The following EPHA5 variants were observed in gnomAD, a reference collection of about 807,000 sequenced individuals.
The protein encoded by EPHA5 is ephrin type-A receptor 5.
Under a neutral mutation model 105.0 loss-of-function variants are expected in EPHA5, and 60 were observed. The observed-to-expected ratio is 0.57, with a 90% CI of 0.46 to 0.71. The LOEUF (loss-of-function observed/expected upper bound fraction) is 0.71. Ranked by LOEUF, EPHA5 falls within the 30% of genes least tolerant of loss-of-function variation. The probability of loss-of-function intolerance (pLI) is 0.00; values close to 1 mark genes in which losing one functional copy is unlikely to be tolerated. For missense variants in EPHA5, 1,218 were observed against 1,274.7 expected (o/e 0.96, Z 0.68); for synonymous variants, 513 against 449.1 (o/e 1.14, Z -1.80).
chr4:65,525,799 T>A (rs1232209834), intron 3 of EPHA5, among the ~76,000 whole-genome samples: 1 of 151,926 alleles, frequency 6.6e-6, no homozygotes, highest in Non-Finnish European at 1.5e-5. Flanking sequence ...ATCAAATGTT[T>A]CTATTTCTTT....
chr4:65,439,405 G>T (rs1725794619), intron 5 of EPHA5, among the ~76,000 whole-genome samples: 1 of 151,838 alleles, frequency 6.6e-6, no homozygotes, highest in South Asian at 2.1e-4. Flanking sequence ...GTAAAATTTT[G>T]TTCCGCTGTT....
chr4:65,580,887 T>C (rs184151057), intron 3 of EPHA5, among the ~76,000 whole-genome samples: 11 of 151,662 alleles, frequency 7.3e-5, no homozygotes, highest in African/African-American at 2.4e-4. Context: ...AGACTAGCAA[T>C]GGGATTAGAC....
chr4:65,669,900 C>T lies in EPHA5; in HGVS notation c.-158G>A, dbSNP rs542527503. 8.9e-7 allele frequency: 1 copy of T among 1,121,298 alleles called. No individual in the cohort carries two copies. The highest frequency in any genetic ancestry group is 1.6e-5 in the African/African-American group (1 of 62,242). 69.5% of individuals were successfully genotyped at this position (1,121,298 alleles called of 1,614,324 possible). On this transcript the variant is annotated 5_prime_UTR_variant, in exon 1 of 17. Transcript: ENST00000613740. ...TCCTCCAAATGTAGGAACCACGGAT[C>T]CGGCTGAGACAGCTGAAGTTTGCTT...
chr4:65,644,537 T>C (rs760602094), intron 1 of EPHA5, among the ~76,000 whole-genome samples: 10 of 152,050 alleles, frequency 6.6e-5, no homozygotes, highest in Non-Finnish European at 1.2e-4. Context: ...TCTAAAAGGA[T>C]GATTCTTTGT....
chr4:65,458,099 G>C (rs1011251134), intron 5 of EPHA5, among the ~76,000 whole-genome samples: 1 of 122,868 alleles, frequency 8.1e-6, no homozygotes, highest in Non-Finnish European at 1.7e-5. Flanking sequence ...AAAAAAAAAA[G>C]AGTACCTTTT....
In EPHA5 at chr4:65,324,173, T is replaced by A; in HGVS notation, c.2992A>T (p.Ile998Phe). 6.2e-7 allele frequency: 1 copy of A among 1,609,700 alleles called. No individual in the cohort carries two copies. Among genetic ancestry groups the A allele is most frequent in the South Asian group, 1.1e-5 (1 of 90,944 alleles). The change falls in exon 17 of 17, where the codon ATC (isoleucine) becomes TTC (phenylalanine). Residue 998 changes from isoleucine to phenylalanine, a missense_variant. Ile to Phe is a conservative substitution (Grantham distance 21). Transcript: ENST00000613740. ...TTCATTTCTTGAAGGCTGTTCATGA[T>A]CTTCTTCTGGTGACCGACAAGAGTC... ...GVTLVGHQKK[I>F]MNSLQEMKVQ...
intron 2 of EPHA5, among the ~76,000 whole-genome samples, chr4:65,615,168 A>G (rs7687907): frequency 0.87 from 132,036 of 151,602 alleles, 57,835 homozygotes; most frequent in Non-Finnish European, 0.91. Flanking sequence ...GAAAAATAAA[A>G]TATATCATAT....
chr4:65,618,136 T>C (rs1745404747), intron 2 of EPHA5, among the ~76,000 whole-genome samples: 1 of 152,256 alleles, frequency 6.6e-6, no homozygotes, highest in South Asian at 2.1e-4. Context: ...GGACACAGAT[T>C]GTCTTCCACT....
intron 3 of EPHA5, among the ~76,000 whole-genome samples, chr4:65,538,860 C>T (rs563222319): frequency 3.5e-4 from 53 of 151,720 alleles, no homozygotes; most frequent in Admixed American, 7.9e-4. Flanking sequence ...TGTCTCTGAC[C>T]TAAAGATGGT....
At chr4:65,326,805 A>G (rs1720123015) in intron 16 of EPHA5, among the ~76,000 whole-genome samples, 1 of 151,290 alleles carries the variant, frequency 6.6e-6, no homozygotes, top group African/African-American at 2.4e-5. Flanking sequence ...TAAATTGCAT[A>G]ATTCATGATT....
intron 3 of EPHA5, among the ~76,000 whole-genome samples, chr4:65,519,742 C>T (rs867402874): frequency 5.3e-5 from 8 of 152,172 alleles, no homozygotes; most frequent in Middle Eastern, 3.4e-3. Context: ...AACAGACAAA[C>T]AGAGAGCAAA....
chr4:65,401,711 T>G (rs1357485085), intron 8 of EPHA5, among the ~76,000 whole-genome samples: 2 of 152,130 alleles, frequency 1.3e-5, no homozygotes, highest in Non-Finnish European at 2.9e-5. Context: ...ATGTTGCTGT[T>G]TTTAAAAGTA....
chr4:65,591,417 A>G (rs1742637632), intron 3 of EPHA5, among the ~76,000 whole-genome samples: 1 of 151,866 alleles, frequency 6.6e-6, no homozygotes, highest in African/African-American at 2.4e-5. Context: ...TAACTTTATC[A>G]TATCATTTAG....
At chr4:65,595,108 GT>G (rs1051557954) in intron 3 of EPHA5, among the ~76,000 whole-genome samples, 8 of 144,724 alleles carry the variant, frequency 5.5e-5, no homozygotes, top group African/African-American at 7.7e-5. Flanking sequence ...ACTTTTCACA[GT>G]TTTTTTTCCC....
chr4:65,557,980 G>A (rs1349666987), intron 3 of EPHA5, among the ~76,000 whole-genome samples: 1 of 151,818 alleles, frequency 6.6e-6, no homozygotes, highest in Non-Finnish European at 1.5e-5. Flanking sequence ...GGGTTCAAGC[G>A]ATTCTCATGC....
chr4:65,393,749 C>T (rs1197233892), intron 8 of EPHA5, among the ~76,000 whole-genome samples: 3 of 152,136 alleles, frequency 2.0e-5, no homozygotes, highest in African/African-American at 7.2e-5. Context: ...TCAATAATTT[C>T]CTTTTAGATT....
chr4:65,634,370 T>C (rs568964748), intron 2 of EPHA5, among the ~76,000 whole-genome samples: 14 of 152,204 alleles, frequency 9.2e-5, no homozygotes, highest in African/African-American at 3.4e-4. Context: ...TATCAATTCA[T>C]TTTAAGTGTT....
At chr4:65,359,959 A>C (rs1717116032) in intron 11 of EPHA5, among the ~76,000 whole-genome samples, 1 of 151,510 alleles carries the variant, frequency 6.6e-6, no homozygotes, top group Non-Finnish European at 1.5e-5. Context: ...ATTCTTACCA[A>C]AGACTCCTCT....
intron 15 of EPHA5, among the ~76,000 whole-genome samples, chr4:65,334,149 G>C (rs1448420016): frequency 6.6e-6 from 1 of 151,744 alleles, no homozygotes; most frequent in Non-Finnish European, 1.5e-5. Context: ...TTTTTATTTT[G>C]TTCAGTGTCT....
Sources: allele counts gnomAD v4.1 joint callset (sites outside exome capture counted in the v4.1 genomes callset), GRCh38; gene constraint gnomAD v4.1.1; transcripts MANE v1.5; gene names NCBI Gene and HGNC (gene_info 2026-07-23, HGNC 2026-07-21).